The following ZNF83 variants were observed in gnomAD, a reference collection of about 807,000 sequenced individuals.
The protein encoded by ZNF83 is zinc finger protein 816B.
For synonymous variants in ZNF83, 209 were observed against 213.0 expected (o/e 0.98, Z 0.17); for missense variants, 552 against 629.9 (o/e 0.88, Z 1.32).
At chr19:52,625,940 A>G (rs1425615556) in intron 2 of ZNF83, among the ~76,000 whole-genome samples, 4 of 151,790 alleles carry the variant, frequency 2.6e-5, no homozygotes, top group Non-Finnish European at 5.9e-5. Context: ...TCATCTTTTC[A>G]CTTTGCATTT....
intron 1 of ZNF83, among the ~76,000 whole-genome samples, chr19:52,676,591 C>T (rs1332586311): frequency 6.6e-6 from 1 of 151,232 alleles, no homozygotes; most frequent in Admixed American, 6.6e-5. Context: ...AAGTGAGGAG[C>T]CCCTCTGCCT....
At position 52,634,924 on chromosome 19, in the gene ZNF83, G is replaced by A. The variant is rs185450584; in HGVS notation, c.-234+142C>T. On this transcript the variant is annotated intron_variant, in intron 2 of 2. Coordinates refer to ENST00000301096, the Ensembl canonical transcript of ZNF83. ...GAGATGGAATCTAAGTGAGATGAGAGGGACTGAGGGAAGGCATGGGTGAGT... is the reference window on the plus strand; with the variant it reads ...GAGATGGAATCTAAGTGAGATGAGAAGGACTGAGGGAAGGCATGGGTGAGT... 2.2e-4 allele frequency: 175 copies of A among 781,270 alleles called. No individual in the cohort carries two copies. The African/African-American group carries it at 2.5e-3, about 11-fold the overall frequency. The allele number at this position is 781,270 out of a possible 1,614,324, so 48.4% of individuals were successfully genotyped here. A position where few individuals can be genotyped will look rare whatever the true frequency, so the allele number is the denominator to read the frequency against.
At chr19:52,647,020 T>A (rs2061380494) in intron 3 of ZNF83, among the ~76,000 whole-genome samples, 1 of 152,144 alleles carries the variant, frequency 6.6e-6, no homozygotes, top group African/African-American at 2.4e-5. Context: ...TGGATGTGAG[T>A]CCACTGAGCT....
In ZNF83 at chr19:52,620,266, A is replaced by C. The variant is rs372723328; in HGVS notation, c.-233-5469T>G. On this transcript the variant is annotated intron_variant, in intron 2 of 2. Coordinates refer to ENST00000301096, the Ensembl canonical transcript of ZNF83. ...TGTGTGTGTATATCTGTGTGTGTAT[A>C]TCTCTGTGTGTGTGTGTGTGTGTGT... 5.1e-5 allele frequency among the ~76,000 whole-genome samples: 6 copies of C among 117,570 alleles called. No homozygotes were observed. In the South Asian group the frequency reaches 1.7e-3, roughly 34 times the overall value. The allele number at this position is 117,570 out of a possible 152,430, so 77.1% of individuals were successfully genotyped here. A position where few individuals can be genotyped will look rare whatever the true frequency, so the allele number is the denominator to read the frequency against.
At position 52,620,254 on chromosome 19, in the gene ZNF83, C is replaced by CTCTGTGTGTGTGTGTG. The variant is rs55700493; in HGVS notation, c.-233-5458_-233-5457insCACACACACACACAGA. 3.0e-5 allele frequency among the ~76,000 whole-genome samples: 4 copies of CTCTGTGTGTGTGTGTG among 134,444 alleles called. 1 individual carries two copies. Among genetic ancestry groups the CTCTGTGTGTGTGTGTG allele is most frequent in the African/African-American group, 8.5e-5 (3 of 35,186 alleles). 88.2% of individuals were successfully genotyped at this position (134,444 alleles called of 152,430 possible). ...TATATGTATATATGTGTGTGTATATCTGTGTGTGTATATCTCTGTGTGTGT... is the reference window on the plus strand; with the variant it reads ...TATATGTATATATGTGTGTGTATATCTCTGTGTGTGTGTGTGTGTGTGTGTATATCTCTGTGTGTGT... On this transcript the variant is annotated intron_variant, in intron 2 of 2. Transcript: ENST00000301096.
At chr19:52,625,222 C>G (rs1013406247) in intron 2 of ZNF83, among the ~76,000 whole-genome samples, 1 of 152,150 alleles carries the variant, frequency 6.6e-6, no homozygotes, top group African/African-American at 2.4e-5. Flanking sequence ...TGCCTAAACT[C>G]AGGCCCTCAC....
chr19:52,645,340 A>C (rs2061358515), intron 3 of ZNF83, among the ~76,000 whole-genome samples: 1 of 152,202 alleles, frequency 6.6e-6, no homozygotes. Flanking sequence ...TGAACCAGAC[A>C]CAAACAGAAA....
intron 1 of ZNF83, among the ~76,000 whole-genome samples, chr19:52,673,023 T>A (rs2061747367): frequency 6.6e-6 from 1 of 151,680 alleles, no homozygotes; most frequent in African/African-American, 2.4e-5. Flanking sequence ...TGGCCAGGTG[T>A]GGTGGCTCAA....
intron 2 of ZNF83, among the ~76,000 whole-genome samples, chr19:52,633,560 C>T (rs557969772): frequency 2.6e-5 from 4 of 152,324 alleles, no homozygotes; most frequent in Admixed American, 1.3e-4. Context: ...GGAAAGGAGA[C>T]GCTTTATGGC....
intron 2 of ZNF83, among the ~76,000 whole-genome samples, chr19:52,628,995 A>ACT (rs377545918): frequency 0.014 from 2,127 of 148,144 alleles, 47 homozygotes; most frequent in African/African-American, 0.048. Flanking sequence ...CCGTGTCTCT[A>ACT]CTCTCTTTTC....
intron 2 of ZNF83, among the ~76,000 whole-genome samples, chr19:52,632,247 C>T (rs1448996077): frequency 3.3e-5 from 5 of 152,132 alleles, no homozygotes. Flanking sequence ...CCTTATGGTC[C>T]TCCATCTTCA....
intron 1 of ZNF83, among the ~76,000 whole-genome samples, chr19:52,661,419 T>G (rs1254398997): frequency 3.9e-5 from 6 of 152,072 alleles, no homozygotes; most frequent in Admixed American, 3.9e-4. Context: ...CCAAACCCCA[T>G]GCAGAGCACA....
chr19:52,639,673 C>G (rs187656995), upstream of ZNF83, among the ~76,000 whole-genome samples: 1 of 151,984 alleles, frequency 6.6e-6, no homozygotes, highest in East Asian at 1.9e-4. Flanking sequence ...CTGCCTCAGC[C>G]TCTGAAAGTG....
At position 52,622,875 on chromosome 19, in the gene ZNF83, G is replaced by C. The variant is rs979306648; in HGVS notation, c.-233-8078C>G. Among the ~76,000 whole-genome samples, 4 of 152,216 alleles carry C rather than the reference G, an allele frequency of 2.6e-5. No homozygotes were observed. The South Asian group carries it at 8.3e-4, about 32-fold the overall frequency. ...AGTGTGCAATAATAGAGAGGAGGCAGCCAAATGGCAATGCATTTCTGAGTT... is the reference window on the plus strand; with the variant it reads ...AGTGTGCAATAATAGAGAGGAGGCACCCAAATGGCAATGCATTTCTGAGTT... On this transcript the variant is annotated intron_variant, in intron 2 of 2. Coordinates refer to ENST00000301096, the Ensembl canonical transcript of ZNF83.
At chr19:52,632,390 A>G (rs1249867091) in intron 2 of ZNF83, among the ~76,000 whole-genome samples, 2 of 152,196 alleles carry the variant, frequency 1.3e-5, no homozygotes, top group Non-Finnish European at 2.9e-5. Flanking sequence ...GAATGCTACA[A>G]GGTACAGCCC....
chr19:52,620,279 TG>T (rs2060495050), intron 2 of ZNF83, among the ~76,000 whole-genome samples: 1 of 151,236 alleles, frequency 6.6e-6, no homozygotes, highest in Non-Finnish European at 1.5e-5. Context: ...TCTGTGTGTG[TG>T]TGTGTGTGTG....
At chr19:52,648,313 AG>A (rs2061400099) in intron 3 of ZNF83, among the ~76,000 whole-genome samples, 1 of 152,042 alleles carries the variant, frequency 6.6e-6, no homozygotes, top group South Asian at 2.1e-4. Flanking sequence ...ATTGTGGTAA[AG>A]GTTAAAAAGA....
chr19:52,613,107 T>G, exon 3 of ZNF83: 2 of 1,614,074 alleles, frequency 1.2e-6, no homozygotes, highest in Non-Finnish European at 1.7e-6. Flanking sequence ...ATTCATTACA[T>G]TTGAAATGTT....
chr19:52,656,638 C>T (rs1390141161), intron 2 of ZNF83, among the ~76,000 whole-genome samples: 4 of 152,098 alleles, frequency 2.6e-5, no homozygotes, highest in Non-Finnish European at 1.5e-5. Context: ...GAGGCTGAGG[C>T]ATGTGGATCA....
Sources: gnomAD v4.1 joint callset for allele counts (sites outside exome capture counted in the v4.1 genomes callset) on GRCh38, gnomAD v4.1.1 for gene constraint, MANE v1.5 for transcripts, NCBI Gene and HGNC (gene_info 2026-07-23, HGNC 2026-07-21) for gene names.